The following LGALS8 variants were observed in gnomAD, a reference collection of about 807,000 sequenced individuals.
LGALS8 encodes the protein galectin-8.
LGALS8 carries 30 observed loss-of-function variants against 35.9 expected under a neutral mutation model. The ratio of observed to expected loss-of-function variants is 0.83; its 90% CI spans 0.62 to 1.13. LGALS8 has a LOEUF of 1.13. Among genes scored for constraint, LGALS8 ranks in the 50% most tolerant of loss-of-function variants. The pLI is 0.00. For synonymous variants in LGALS8, 138 were observed against 136.1 expected (o/e 1.01, Z -0.10); for missense variants, 366 against 388.7 (o/e 0.94, Z 0.49).
Position 236,548,013 on chromosome 1 carries a change from T to C in LGALS8, c.806T>C (p.Met269Thr), listed in dbSNP as rs1444766750. ...FPFSPGMYFE[M>T]IIYCDVREFK... ...ATGGCATGTATCCTTTCCTTTCAGATGATAATTTATTGTGATGTTAGAGAA... is the reference window on the plus strand; with the variant it reads ...ATGGCATGTATCCTTTCCTTTCAGACGATAATTTATTGTGATGTTAGAGAA... The change falls in exon 10 of 10, where the codon ATG (methionine) becomes ACG (threonine). Residue 269 changes from methionine (M) to threonine (T), a missense_variant and splice_region_variant. Physicochemically the swap from Met to Thr is moderately conservative, Grantham distance 81. Coordinates refer to ENST00000366584, the MANE Select transcript of LGALS8 (RefSeq NM_201544.4). 2 of 1,610,112 alleles carry C rather than the reference T, an allele frequency of 1.2e-6. No homozygotes were observed. Among genetic ancestry groups the C allele is most frequent in the Non-Finnish European group, 1.7e-6 (2 of 1,177,098 alleles).
At position 236,539,023 on chromosome 1, in the gene LGALS8, T is replaced by C. The variant is rs745919100; in HGVS notation, c.279T>C (p.Tyr93=). Residue 93 remains tyrosine, a synonymous_variant, in exon 4 of 10, where the codon TAT becomes TAC. Coordinates refer to ENST00000366584, the MANE Select transcript of LGALS8 (RefSeq NM_201544.4). ...NEKWGREEIT[Y]DTPFKREKSF... is the part of the protein sequence containing the mutation. ...AATGGGGACGGGAAGAGATCACCTATGACACGCCTTTCAAAAGAGAAAAGT... is the reference window on the plus strand; with the variant it reads ...AATGGGGACGGGAAGAGATCACCTACGACACGCCTTTCAAAAGAGAAAAGT... The C allele has an allele frequency of 2.2e-5, 35 of 1,614,070 alleles. No homozygotes were observed. Among genetic ancestry groups the C allele is most frequent in the Admixed American group, 6.7e-5 (4 of 60,006 alleles).
chr1:236,548,079 A>C lies in LGALS8; in HGVS notation c.872A>C (p.Lys291Thr). Residue 291 changes from lysine (K) to threonine (T), a missense_variant, in exon 10 of 10, where the codon AAA becomes ACA. Lys to Thr is a moderately conservative substitution (Grantham distance 78, BLOSUM62 -1). Transcript: ENST00000366584. ...AVNGVHSLEY[K>T]HRFKELSSID... ...AATGGCGTACACAGCCTGGAGTACA[A>C]ACACAGATTTAAAGAGCTCAGCAGT... The C allele has an allele frequency of 1.2e-6, 2 of 1,613,882 alleles. No homozygotes were observed. The highest frequency in any genetic ancestry group is 1.7e-6 in the Non-Finnish European group (2 of 1,179,738).
chr1:236,552,332 C>T lies in LGALS8; in HGVS notation c.*4171C>T, dbSNP rs1373030652. On this transcript the variant is annotated 3_prime_UTR_variant, in exon 10 of 10. Coordinates refer to ENST00000366584, the MANE Select transcript of LGALS8 (RefSeq NM_201544.4). ...ATAAATAGTGTTTTCCAAACTGTGT[C>T]CCAGGACTGCAAATCTTTAATGTGA... The T allele has an allele frequency of 6.1e-6, 2 of 329,540 alleles. No individual in the cohort carries two copies. Among genetic ancestry groups the T allele is most frequent in the Non-Finnish European group, 1.1e-5 (2 of 182,696 alleles). 20.4% of individuals were successfully genotyped at this position (329,540 alleles called of 1,614,324 possible). A position where few individuals can be genotyped will look rare whatever the true frequency, so the allele number is the denominator to read the frequency against.
chr1:236,543,022 T>C (rs747989676), intron 7 of LGALS8: 6 of 1,614,156 alleles, frequency 3.7e-6, no homozygotes, highest in Non-Finnish European at 4.2e-6. Context: ...AAATACCACC[T>C]ATGAACTATG....
chr1:236,528,592 T>C (rs819412), intron 2 of LGALS8, among the ~76,000 whole-genome samples: 51,677 of 136,412 alleles, frequency 0.38, 10,094 homozygotes, highest in South Asian at 0.52. Flanking sequence ...CGCTCTGTCA[T>C]CCAGGCTGGA....
rs748539703 is a variant in LGALS8, at chr1:236,543,622, A to C, written c.612A>C (p.Lys204Asn). The C allele has an allele frequency of 3.7e-6, 6 of 1,613,950 alleles. No individual in the cohort carries two copies. The Admixed American group carries it at 1.0e-4, about 27-fold the overall frequency. The stretch of plus-strand genomic sequence containing the variant: ...GCCCTGGACGAACTGTCGTCGTTAA[A>C]GGAGAAGTGAATGCAAATGCCAAAA... ...PMGPGRTVVV[K>N]GEVNANAKSF... Residue 204 changes from lysine (K) to asparagine (N), a missense_variant, in exon 8 of 10, where the codon AAA (lysine) becomes AAC (asparagine). Physicochemically the swap from Lys to Asn is moderately conservative, Grantham distance 94 (BLOSUM62 0). Coordinates refer to ENST00000366584, the MANE Select transcript of LGALS8 (RefSeq NM_201544.4).
chr1:236,522,116 C>T (rs1460476864), upstream of LGALS8, among the ~76,000 whole-genome samples: 2 of 152,168 alleles, frequency 1.3e-5, no homozygotes, highest in Admixed American at 1.3e-4. Context: ...AATTGAACAA[C>T]AGTGCCAAAT....
At position 236,552,303 on chromosome 1, in the gene LGALS8, C is replaced by T; in HGVS notation, c.*4142C>T. ...TGGGAGCTGTTTGTAATATGTGCAA[C>T]CTTATAAATAGTGTTTTCCAAACTG... On this transcript the variant is annotated 3_prime_UTR_variant, in exon 10 of 10. Coordinates refer to ENST00000366584, the MANE Select transcript of LGALS8 (RefSeq NM_201544.4). The T allele has an allele frequency of 2.4e-6, 1 of 408,878 alleles. No individual in the cohort carries two copies. Among genetic ancestry groups the T allele is most frequent in the Middle Eastern group, 6.4e-4 (1 of 1,562 alleles). The allele number at this position is 408,878 out of a possible 1,614,324, so 25.3% of individuals were successfully genotyped here.
Position 236,528,546 on chromosome 1 carries a change from A to ATTTTTTTTTTT in LGALS8, c.45+2444_45+2454dup, listed in dbSNP as rs61261486. On this transcript the variant is annotated intron_variant, in intron 2 of 9. Coordinates refer to ENST00000366584, the MANE Select transcript of LGALS8 (RefSeq NM_201544.4). ...AATTTTTATTTCATTAATGTTTCCA[A>ATTTTTTTTTTT]TTTTTTTTTTTTTTTTTTTTTTTAA... 3.2e-3 allele frequency among the ~76,000 whole-genome samples: 335 copies of ATTTTTTTTTTT among 104,192 alleles called. 17 individuals are homozygous for ATTTTTTTTTTT. The highest frequency in any genetic ancestry group is 0.03 in the Admixed American group (231 of 7,682). 68.4% of individuals were successfully genotyped at this position (104,192 alleles called of 152,430 possible).
chr1:236,518,692 G>C (rs764988421), upstream of LGALS8, among the ~76,000 whole-genome samples: 1 of 151,958 alleles, frequency 6.6e-6, no homozygotes, highest in Non-Finnish European at 1.5e-5. Context: ...GTTCTGTGAC[G>C]GAGTTCTGGT....
At chr1:236,533,552 T>G (rs1179856992) in intron 2 of LGALS8, among the ~76,000 whole-genome samples, 1 of 152,122 alleles carries the variant, frequency 6.6e-6, no homozygotes, top group Non-Finnish European at 1.5e-5. Context: ...CAGGCTGGTC[T>G]TCAACTCCCA....
At chr1:236,519,040 A>G (rs983049021), upstream of LGALS8, among the ~76,000 whole-genome samples, 1 of 152,072 alleles carries the variant, frequency 6.6e-6, no homozygotes, top group Non-Finnish European at 1.5e-5. Flanking sequence ...TGATTTTTTT[A>G]CTAGTTTTTT....
intron 2 of LGALS8, chr1:236,536,143 T>G (rs184763468): frequency 6.6e-6 from 1 of 152,370 alleles, no homozygotes; most frequent in African/African-American, 2.4e-5. Flanking sequence ...CAAGGCGATT[T>G]CGGTTTAGGA....
At chr1:236,537,639 G>T (rs968217544) in intron 3 of LGALS8, 54 bp downstream of exon 3, 8 of 1,257,010 alleles carry the variant, frequency 6.4e-6, no homozygotes, top group African/African-American at 1.4e-5. Context: ...TTTTGTGATT[G>T]TGGAATGATA....
At chr1:236,539,235 C>A in intron 4 of LGALS8, 146 bp downstream of exon 4, 1 of 640,000 alleles carries the variant, frequency 1.6e-6, no homozygotes, top group Non-Finnish European at 2.7e-6. Context: ...ATAAAAGGAC[C>A]AGGAAGGCAC....
rs1177431507 is a variant in LGALS8 at position 236,551,086 on chromosome 1, C to T, written c.*2925C>T. On this transcript the variant is annotated 3_prime_UTR_variant, in exon 10 of 10. Coordinates refer to ENST00000366584, the MANE Select transcript of LGALS8 (RefSeq NM_201544.4). Reference sequence around the variant, plus strand: ...ATTCTTAATGCCTTGCACTTTCCGGCAATCATTCAATCAAAAGAGTGAAAT... The same window carrying T: ...ATTCTTAATGCCTTGCACTTTCCGGTAATCATTCAATCAAAAGAGTGAAAT... 1.1e-6 allele frequency: 1 copy of T among 883,746 alleles called. No individual in the cohort carries two copies. The highest frequency in any genetic ancestry group is 1.7e-5 in the African/African-American group (1 of 58,882). The allele number at this position is 883,746 out of a possible 1,614,324, so 54.7% of individuals were successfully genotyped here.
Position 236,526,308 on chromosome 1 carries a change from G to GAT in LGALS8, c.45+195_45+196dup, listed in dbSNP as rs1660814244. ...CTCTAGTGGAGGAAGAAGTCACAAT[G>GAT]ATAATATGACGTGATGAAACAGTGT... is the stretch of plus-strand genomic sequence containing the variant. On this transcript the variant is annotated intron_variant, in intron 2 of 9. Coordinates refer to ENST00000366584, the MANE Select transcript of LGALS8 (RefSeq NM_201544.4). The surrounding 1 kb of genome is among the most constrained non-coding windows in gnomAD (Gnocchi z 4.6). 6.5e-6 allele frequency: 3 copies of GAT among 458,282 alleles called. No homozygotes were observed. Among genetic ancestry groups the GAT allele is most frequent in the Non-Finnish European group, 1.2e-5 (3 of 256,236 alleles). 28.4% of individuals were successfully genotyped at this position (458,282 alleles called of 1,614,324 possible).
At chr1:236,523,134 A>T (rs1452423352), upstream of LGALS8, 1 of 152,206 alleles carries the variant, frequency 6.6e-6, no homozygotes, top group African/African-American at 2.4e-5. Flanking sequence ...TTTACAGCCA[A>T]TAGGTCAAAC....
chr1:236,539,131 C>T, intron 4 of LGALS8, 42 bp downstream of exon 4: 1 of 1,456,470 alleles, frequency 6.9e-7, no homozygotes. Context: ...CATTAGTGAG[C>T]AGGAGTGCAC....
Sources: gnomAD v4.1 joint callset for allele counts (sites outside exome capture counted in the v4.1 genomes callset) on GRCh38, gnomAD v4.1.1 for gene constraint, Gnocchi (gnomAD v3.1) non-coding constraint, MANE v1.5 for transcripts, NCBI Gene and HGNC (gene_info 2026-07-23, HGNC 2026-07-21) for gene names.